The following PTPRD variants were observed in gnomAD, a reference collection of about 807,000 sequenced individuals.
PTPRD encodes the protein receptor-type tyrosine-protein phosphatase delta.
In PTPRD, 34 loss-of-function variants were observed where a neutral mutation model predicts 214.5. The observed-to-expected ratio is 0.16, with a 90% confidence interval of 0.12 to 0.21. The LOEUF is 0.21. Among genes scored for constraint, PTPRD ranks in the 10% least tolerant of loss-of-function variants. PTPRD has a pLI of 1.00. For synonymous variants in PTPRD, 1,128 were observed against 845.7 expected (o/e 1.33, Z -5.79); for missense variants, 2,545 against 2,398.7 (o/e 1.06, Z -1.27).
chr9:9,875,414 G>C (rs2066569006), intron 5 of PTPRD, among the ~76,000 whole-genome samples: 2 of 151,998 alleles, frequency 1.3e-5, no homozygotes, highest in African/African-American at 4.8e-5. Flanking sequence ...ACAAAGGCTG[G>C]ATAATTTCAA....
intron 3 of PTPRD, among the ~76,000 whole-genome samples, chr9:10,179,565 G>T (rs2099269727): frequency 6.6e-6 from 1 of 152,046 alleles, no homozygotes; most frequent in African/African-American, 2.4e-5. Context: ...GGGTCAGACA[G>T]GGAAGTAAGT....
chr9:9,606,079 G>A (rs952545706), intron 7 of PTPRD, among the ~76,000 whole-genome samples: 1 of 151,978 alleles, frequency 6.6e-6, no homozygotes, highest in East Asian at 1.9e-4. Context: ...AGACTAGAAT[G>A]AATTTTCCTA....
At chr9:8,933,512 G>A (rs2098968960) in intron 11 of PTPRD, among the ~76,000 whole-genome samples, 1 of 151,812 alleles carries the variant, frequency 6.6e-6, no homozygotes, top group African/African-American at 2.4e-5. Flanking sequence ...TGCTTCTCAA[G>A]TCCACAGACA....
At chr9:9,610,365 T>C (rs2094452637) in intron 7 of PTPRD, among the ~76,000 whole-genome samples, 1 of 152,186 alleles carries the variant, frequency 6.6e-6, no homozygotes, top group Non-Finnish European at 1.5e-5. Context: ...TTGAGTTATA[T>C]TATAAAGAGA....
intron 9 of PTPRD, among the ~76,000 whole-genome samples, chr9:9,312,205 G>A (rs574979356): frequency 4.6e-5 from 7 of 152,052 alleles, no homozygotes; most frequent in Admixed American, 2.6e-4. Flanking sequence ...TACTCCACCC[G>A]TTTAAAAATT....
At chr9:10,610,820 T>C (rs1199958255) in intron 2 of PTPRD, among the ~76,000 whole-genome samples, 2 of 152,174 alleles carry the variant, frequency 1.3e-5, no homozygotes, top group Non-Finnish European at 2.9e-5. Context: ...TAAAAACTTA[T>C]GGCCCAAGAT....
chr9:8,333,721 C>A (rs10453206), intron 43 of PTPRD, among the ~76,000 whole-genome samples: 112,151 of 151,984 alleles, frequency 0.74, 41,685 homozygotes, highest in East Asian at 0.85. Flanking sequence ...CTTAAATGTA[C>A]ATGGACTAAA....
intron 10 of PTPRD, among the ~76,000 whole-genome samples, chr9:9,080,382 T>A (rs1009617482): frequency 1.3e-4 from 20 of 152,228 alleles, no homozygotes; most frequent in African/African-American, 4.8e-4. Context: ...AAAAGCTGTA[T>A]GTGAATACTG....
chr9:9,273,440 A>G (rs1194929527), intron 9 of PTPRD, among the ~76,000 whole-genome samples: 1 of 151,300 alleles, frequency 6.6e-6, no homozygotes, highest in Non-Finnish European at 1.5e-5. Context: ...CATATAGCAG[A>G]TATTGAGCAG....
intron 9 of PTPRD, among the ~76,000 whole-genome samples, chr9:9,200,757 G>A (rs548138435): frequency 3.2e-4 from 48 of 152,308 alleles, no homozygotes; most frequent in African/African-American, 1.1e-3. Context: ...CAATGCTTTT[G>A]CAGTGAATAA....
At chr9:9,647,819 C>T (rs896495604) in intron 7 of PTPRD, among the ~76,000 whole-genome samples, 2 of 152,166 alleles carry the variant, frequency 1.3e-5, no homozygotes, top group African/African-American at 2.4e-5. Context: ...GTCTCTCCCA[C>T]TCCCTGAGAG....
At chr9:10,413,987 C>T (rs2098462592) in intron 2 of PTPRD, among the ~76,000 whole-genome samples, 1 of 151,776 alleles carries the variant, frequency 6.6e-6, no homozygotes, top group African/African-American at 2.4e-5. Context: ...TGTAAAATCC[C>T]AAACTATAAA....
intron 3 of PTPRD, among the ~76,000 whole-genome samples, chr9:10,173,216 C>G (rs1037470954): frequency 6.6e-6 from 1 of 152,044 alleles, no homozygotes; most frequent in Admixed American, 6.6e-5. Flanking sequence ...TGCTCTTTAG[C>G]GTATTCTAGT....
chr9:10,504,070 C>A (rs1006802906), intron 2 of PTPRD, among the ~76,000 whole-genome samples: 1 of 130,762 alleles, frequency 7.6e-6, no homozygotes, highest in Non-Finnish European at 1.6e-5. Context: ...GAGCCGAGAT[C>A]GCGCCACTGC....
intron 7 of PTPRD, among the ~76,000 whole-genome samples, chr9:9,658,732 T>C (rs540057531): frequency 1.3e-5 from 2 of 152,184 alleles, no homozygotes; most frequent in Non-Finnish European, 1.5e-5. Flanking sequence ...TCACTAGTAC[T>C]CTTAATACGG....
intron 6 of PTPRD, among the ~76,000 whole-genome samples, chr9:9,739,140 T>C (rs2154448570): frequency 6.6e-6 from 1 of 152,332 alleles, no homozygotes; most frequent in Non-Finnish European, 1.5e-5. Context: ...AAGGCATGCA[T>C]GTGTGTATGC....
At chr9:8,735,142 T>G (rs371582603) in intron 11 of PTPRD, among the ~76,000 whole-genome samples, 5,393 of 139,574 alleles carry the variant, frequency 0.039, 344 homozygotes, top group African/African-American at 0.13. Flanking sequence ...TTTTTTGTTT[T>G]TTTTTTTCTG....
intron 8 of PTPRD, among the ~76,000 whole-genome samples, chr9:9,517,928 A>C (rs1768392369): frequency 1.3e-5 from 2 of 151,472 alleles, no homozygotes; most frequent in African/African-American, 2.4e-5. Context: ...CCTGTGTTGT[A>C]TATGCAGAAA....
intron 11 of PTPRD, among the ~76,000 whole-genome samples, chr9:8,750,449 T>G (rs1467439776): frequency 6.6e-6 from 1 of 150,820 alleles, no homozygotes; most frequent in African/African-American, 2.5e-5. Flanking sequence ...TGAGCCACCA[T>G]GCCCGGCCAA....
Sources: gnomAD v4.1 joint callset for allele counts (sites outside exome capture counted in the v4.1 genomes callset) on GRCh38, gnomAD v4.1.1 for gene constraint, MANE v1.5 for transcripts, NCBI Gene and HGNC (gene_info 2026-07-23, HGNC 2026-07-21) for gene names.